The following SYNE1 variants were observed in gnomAD, a reference collection of about 807,000 sequenced individuals.
SYNE1 encodes spectrin repeat containing nuclear envelope protein 1.
Under a neutral mutation model 1,111.0 loss-of-function variants are expected in SYNE1, and 616 were observed. The ratio of observed to expected loss-of-function variants is 0.55; its 90% CI spans 0.52 to 0.59. The LOEUF (loss-of-function observed/expected upper bound fraction) is 0.59, where lower values mean the gene tolerates loss of function less well. SYNE1 is among the 20% of genes least tolerant of loss of function. SYNE1 has a pLI of 0.00. For synonymous variants in SYNE1, 3,855 were observed against 3,825.8 expected (o/e 1.01, Z -0.28); for missense variants, 10,006 against 10,417.0 (o/e 0.96, Z 1.72).
At chr6:152,620,578 A>G (rs2099673234) in intron 3 of SYNE1, among the ~76,000 whole-genome samples, 1 of 152,142 alleles carries the variant, frequency 6.6e-6, no homozygotes. Context: ...TGAGAGGACC[A>G]AGTTTAATTT....
Position 152,239,525 on chromosome 6 carries a change from G to A in SYNE1, c.20067+8C>T. 1 of 1,614,074 alleles carries A rather than the reference G, an allele frequency of 6.2e-7. No individual in the cohort carries two copies. The highest frequency in any genetic ancestry group is 1.3e-5 in the African/African-American group (1 of 75,002). On this transcript the variant is annotated splice_region_variant and intron_variant, in intron 108 of 145. Coordinates refer to ENST00000367255, the MANE Select transcript of SYNE1 (RefSeq NM_182961.4). ...GCAGCACAGAAGATATGACATCAATGGTCTCACCTCTAGAATGTACTCCAG... is the reference window on the plus strand; with the variant it reads ...GCAGCACAGAAGATATGACATCAATAGTCTCACCTCTAGAATGTACTCCAG...
chr6:152,462,095 T>TA (rs35271364), intron 20 of SYNE1, among the ~76,000 whole-genome samples: 266 of 147,468 alleles, frequency 1.8e-3, no homozygotes, highest in Middle Eastern at 3.5e-3. Flanking sequence ...TGGTTTTCGT[T>TA]AAAAAAAAAA....
chr6:152,563,212 A>T (rs2099400664), intron 3 of SYNE1, among the ~76,000 whole-genome samples: 1 of 152,156 alleles, frequency 6.6e-6, no homozygotes, highest in Non-Finnish European at 1.5e-5. Context: ...ATCCTAATTC[A>T]GTCGTATCTA....
chr6:152,482,919 G>GT (rs1465595755), intron 14 of SYNE1, among the ~76,000 whole-genome samples, 166 bp downstream of exon 14: 2 of 152,212 alleles, frequency 1.3e-5, no homozygotes, highest in Non-Finnish European at 2.9e-5. Context: ...ATTAACCAGT[G>GT]TAAGAAAGAA....
At chr6:152,336,542 C>T (rs1042682969) in intron 76 of SYNE1, 7 of 436,094 alleles carry the variant, frequency 1.6e-5, no homozygotes, top group Admixed American at 3.5e-5. Flanking sequence ...CCCTTGCATG[C>T]GCAGTTCACA....
chr6:152,591,301 C>T (rs988465527), intron 3 of SYNE1, among the ~76,000 whole-genome samples: 1 of 152,066 alleles, frequency 6.6e-6, no homozygotes, highest in Non-Finnish European at 1.5e-5. Flanking sequence ...GTTATTGGTA[C>T]AAAAACAGAC....
intron 41 of SYNE1, among the ~76,000 whole-genome samples, chr6:152,416,016 G>A (rs1449552402): frequency 6.6e-6 from 1 of 152,176 alleles, no homozygotes; most frequent in Non-Finnish European, 1.5e-5. Flanking sequence ...GGGGAAAAAT[G>A]GGCTGGAGGG....
chr6:152,523,568 G>A (rs2099150499), intron 5 of SYNE1, among the ~76,000 whole-genome samples: 1 of 151,952 alleles, frequency 6.6e-6, no homozygotes, highest in Admixed American at 6.6e-5. Flanking sequence ...TTTTAGAATT[G>A]TTTTTTCTAA....
At chr6:152,435,457 T>C (rs1173116848) in intron 33 of SYNE1, 1 of 153,870 alleles carries the variant, frequency 6.5e-6, no homozygotes, top group East Asian at 1.9e-4. Context: ...AAGAGCATAT[T>C]AGTCAGGATA....
intron 137 of SYNE1, chr6:152,145,641 A>T: frequency 1.6e-6 from 2 of 1,247,862 alleles, no homozygotes; most frequent in Non-Finnish European, 2.4e-6. Context: ...CCTAGGGGAA[A>T]AAAAGGAAGT....
intron 3 of SYNE1, among the ~76,000 whole-genome samples, chr6:152,624,192 T>G (rs1245674887): frequency 6.6e-6 from 1 of 152,166 alleles, no homozygotes; most frequent in Non-Finnish European, 1.5e-5. Flanking sequence ...CCTATTAATT[T>G]TTTTGTATAT....
intron 140 of SYNE1, among the ~76,000 whole-genome samples, chr6:152,139,562 C>T (rs2057912940): frequency 8.8e-6 from 1 of 114,246 alleles, no homozygotes; most frequent in Non-Finnish European, 1.7e-5. Context: ...CGGAGTGAGA[C>T]TCCATCAAAA....
intron 104 of SYNE1, among the ~76,000 whole-genome samples, chr6:152,253,813 GTTTGGT>G (rs2089998654): frequency 3.0e-5 from 1 of 33,216 alleles, no homozygotes; most frequent in Non-Finnish European, 6.5e-5. Context: ...ATGTGTAGTG[GTTTGGT>G]TTTTTTTTTT....
At chr6:152,299,703 AG>A (rs1157919494) in intron 93 of SYNE1, among the ~76,000 whole-genome samples, 1 of 151,248 alleles carries the variant, frequency 6.6e-6, no homozygotes, top group Non-Finnish European at 1.5e-5. Flanking sequence ...TTTTTTAATG[AG>A]GGGGGATTCT....
chr6:152,355,119 T>C lies in SYNE1; in HGVS notation c.10609-143A>G, dbSNP rs1172049011. On this transcript the variant is annotated intron_variant, in intron 66 of 145. Transcript: ENST00000367255. ...TATTATTATGCCCTATACAAAAATA[T>C]GTCCCTAACCATATTTTCTCCGAAG... 5.7e-6 allele frequency: 5 copies of C among 873,626 alleles called. No individual in the cohort carries two copies. In the African/African-American group the frequency reaches 8.4e-5, roughly 15 times the overall value. The allele number at this position is 873,626 out of a possible 1,614,324, so 54.1% of individuals were successfully genotyped here.
intron 53 of SYNE1, among the ~76,000 whole-genome samples, chr6:152,387,873 G>GACAC (rs146726486): frequency 4.0e-5 from 6 of 150,926 alleles, no homozygotes; most frequent in South Asian, 2.1e-4. Context: ...TTCATTTGGG[G>GACAC]ACACACACAC....
At chr6:152,155,660 G>T (rs1267604690) in intron 132 of SYNE1, among the ~76,000 whole-genome samples, 1 of 152,050 alleles carries the variant, frequency 6.6e-6, no homozygotes, top group Non-Finnish European at 1.5e-5. Flanking sequence ...GTTTGACAAG[G>T]GTGTATTTTT....
In SYNE1 at chr6:152,510,394, C is replaced by A. The variant is rs768532941; in HGVS notation, c.403-23G>T. ...AATCTGTTTGTGAGTTAACAGCCAG[C>A]AAAAATATAAGCATTATCTTTGTTA... On this transcript the variant is annotated intron_variant, in intron 7 of 145. Transcript: ENST00000367255. 2.9e-5 allele frequency: 46 copies of A among 1,611,780 alleles called. No individual in the cohort carries two copies. In the East Asian group the frequency reaches 1.0e-3, roughly 36 times the overall value.
chr6:152,310,963 A>C (rs2095528546), intron 87 of SYNE1, 90 bp from the exon 88 acceptor site: 1 of 1,333,184 alleles, frequency 7.5e-7, no homozygotes. Flanking sequence ...GCCCTGTGTA[A>C]GTTCTGTGTG....
Sources: allele counts gnomAD v4.1 joint callset (sites outside exome capture counted in the v4.1 genomes callset), GRCh38; gene constraint gnomAD v4.1.1; transcripts MANE v1.5; gene names NCBI Gene and HGNC (gene_info 2026-07-23, HGNC 2026-07-21).